TOX: variants seen among roughly 807,000 people sequenced by gnomAD.
The protein encoded by TOX is thymocyte selection-associated high mobility group box protein TOX.
In TOX, 11 loss-of-function variants were observed where a neutral mutation model predicts 53.7. The observed-to-expected ratio is 0.20, with a 90% CI of 0.13 to 0.34. The LOEUF is 0.34. TOX is among the 10% of genes least tolerant of loss of function. TOX has a pLI of 1.00. For synonymous variants in TOX, 225 were observed against 245.3 expected, an observed-to-expected ratio of 0.92 and a Z score of 0.77; for missense variants, 570 against 664.6, an observed-to-expected ratio of 0.86 and a Z score of 1.56.
Position 58,826,863 on chromosome 8 carries a change from G to C in TOX, c.964C>G (p.Leu322Val). Residue 322 changes from leucine (L) to valine (V), a missense_variant, in exon 6 of 9, where the codon CTG becomes GTG. Around this residue, in one of 3 missense-constraint regions of TOX, gnomAD observed 49 missense variants for 98.9 expected, o/e 0.50. Coordinates refer to ENST00000361421, the MANE Select transcript of TOX (RefSeq NM_014729.3). ...GCTCTGTATGCTGCGAGTTGCTTCAGGTACTCCTTCTTCGCAGCCTCGGTT... is the reference window on the plus strand; with the variant it reads ...GCTCTGTATGCTGCGAGTTGCTTCACGTACTCCTTCTTCGCAGCCTCGGTT... ...KKTEAAKKEY[L>V]KQLAAYRASL... is the part of the protein sequence containing the mutation. 8 of 1,612,336 alleles carry C rather than the reference G, an allele frequency of 5.0e-6. No individual in the cohort carries two copies. Among genetic ancestry groups the C allele is most frequent in the Non-Finnish European group, 5.9e-6 (7 of 1,179,280 alleles).
chr8:58,904,105 A>G (rs937037740), intron 3 of TOX, among the ~76,000 whole-genome samples: 35 of 152,190 alleles, frequency 2.3e-4, no homozygotes, highest in African/African-American at 8.4e-4. Flanking sequence ...GTATATTCCA[A>G]TGAGAAAAGT....
chr8:58,861,945 T>C (rs1209884869), intron 3 of TOX, among the ~76,000 whole-genome samples: 4 of 152,150 alleles, frequency 2.6e-5, no homozygotes, highest in African/African-American at 9.7e-5. Flanking sequence ...TAAAAATACA[T>C]CTTAAGAAGC....
rs73254421 is a variant in TOX at position 59,000,778 on chromosome 8, C to T, written c.103-40770G>A. The stretch of plus-strand genomic sequence containing the variant: ...CTATATCAGTGATCAAAAATATACA[C>T]GCATACACATTAAAGAGATCAAACC... On this transcript the variant is annotated intron_variant, in intron 1 of 8. Coordinates refer to ENST00000361421, the MANE Select transcript of TOX (RefSeq NM_014729.3). Among the ~76,000 whole-genome samples the T allele has an allele frequency of 6.4e-3, 975 of 152,154 alleles. 11 individuals are homozygous for T. The highest frequency in any genetic ancestry group is 0.022 in the African/African-American group (914 of 41,512).
intron 1 of TOX, among the ~76,000 whole-genome samples, chr8:59,015,412 T>A (rs1051609267): frequency 6.6e-6 from 1 of 152,172 alleles, no homozygotes; most frequent in Non-Finnish European, 1.5e-5. Context: ...TCCCCCAACA[T>A]GCAAAATAAA....
chr8:58,907,666 T>C (rs1346423755), intron 3 of TOX, among the ~76,000 whole-genome samples: 5 of 152,136 alleles, frequency 3.3e-5, no homozygotes, highest in Non-Finnish European at 7.3e-5. Flanking sequence ...CACATACAAT[T>C]TTTTAGGATC....
At chr8:59,050,621 T>C (rs995511313) in intron 1 of TOX, among the ~76,000 whole-genome samples, 2 of 152,156 alleles carry the variant, frequency 1.3e-5, no homozygotes, top group Admixed American at 6.5e-5. Flanking sequence ...ATACTTTCAC[T>C]TCATCCTAAT....
In TOX at chr8:58,807,588, A is replaced by G. The variant is rs1810001529; in HGVS notation, c.*159T>C. 1.5e-6 allele frequency: 1 copy of G among 668,220 alleles called. No individual in the cohort carries two copies. Among genetic ancestry groups the G allele is most frequent in the Admixed American group, 2.9e-5 (1 of 34,356 alleles). 41.4% of individuals were successfully genotyped at this position (668,220 alleles called of 1,614,324 possible). A position where few individuals can be genotyped will look rare whatever the true frequency, so the allele number is the denominator to read the frequency against. On this transcript the variant is annotated 3_prime_UTR_variant, in exon 9 of 9. Coordinates refer to ENST00000361421, the MANE Select transcript of TOX (RefSeq NM_014729.3). ...AAAAAAATAATAAAGAAGCATGACT[A>G]TTTCTTCCAGAGTGGGTGACCCACA...
At chr8:58,989,977 G>A (rs768237339) in intron 1 of TOX, among the ~76,000 whole-genome samples, 1 of 152,176 alleles carries the variant, frequency 6.6e-6, no homozygotes, top group Non-Finnish European at 1.5e-5. Context: ...GAGACACAAA[G>A]TCCTCAGTGC....
At chr8:58,857,868 C>T (rs192725934) in intron 3 of TOX, among the ~76,000 whole-genome samples, 3 of 152,168 alleles carry the variant, frequency 2.0e-5, no homozygotes, top group Admixed American at 6.5e-5. Context: ...CTCCCAGGTT[C>T]GAGTGATTCT....
At chr8:59,110,576 A>G (rs1031267771) in intron 1 of TOX, among the ~76,000 whole-genome samples, 5 of 152,156 alleles carry the variant, frequency 3.3e-5, no homozygotes, top group African/African-American at 1.2e-4. Context: ...ATAGAGAGGT[A>G]AACTTGCTTC....
intron 3 of TOX, among the ~76,000 whole-genome samples, chr8:58,887,226 T>C (rs1321361649): frequency 6.6e-6 from 1 of 151,884 alleles, no homozygotes; most frequent in Non-Finnish European, 1.5e-5. Flanking sequence ...TATTTAGGTT[T>C]TTGTGTTGGT....
intron 1 of TOX, among the ~76,000 whole-genome samples, chr8:59,111,966 T>G (rs1404720719): frequency 6.6e-6 from 1 of 152,234 alleles, no homozygotes; most frequent in Non-Finnish European, 1.5e-5. Context: ...TCATGACCTT[T>G]GATATTATAA....
intron 3 of TOX, among the ~76,000 whole-genome samples, chr8:58,889,212 C>CAAAAAAAAAA (rs10556451): frequency 6.1e-5 from 7 of 114,434 alleles, no homozygotes; most frequent in Non-Finnish European, 8.9e-5. Context: ...TTTACAATAG[C>CAAAAAAAAAA]AAAAAAAAAA....
intron 5 of TOX, among the ~76,000 whole-genome samples, chr8:58,829,175 C>T (rs569314664): frequency 6.6e-6 from 1 of 152,268 alleles, no homozygotes; most frequent in East Asian, 1.9e-4. Flanking sequence ...GACTACGATG[C>T]TATCCCTTTG....
rs571137457 is a variant in TOX, at chr8:59,089,448, T to A, written c.102+29438A>T. 1.1e-3 allele frequency among the ~76,000 whole-genome samples: 160 copies of A among 152,326 alleles called. 1 individual carries two copies. The highest frequency in any genetic ancestry group is 2.4e-3 in the Admixed American group (36 of 15,294). ...GTTAAGAGTTCCTGCAAGTCCCTCA[T>A]ACAGCCACTGTATTATTTCACAGTG... On this transcript the variant is annotated intron_variant, in intron 1 of 8. Transcript: ENST00000361421.
intron 1 of TOX, among the ~76,000 whole-genome samples, chr8:59,086,969 G>A (rs1402265902): frequency 6.6e-6 from 1 of 152,128 alleles, no homozygotes; most frequent in Non-Finnish European, 1.5e-5. Context: ...TGCCCTTATG[G>A]AGAAAGAAAG....
In TOX at chr8:58,864,944, G is replaced by GT. The variant is rs1350168811; in HGVS notation, c.412-13140_412-13139insA. 6.6e-5 allele frequency among the ~76,000 whole-genome samples: 10 copies of GT among 152,272 alleles called. No individual in the cohort carries two copies. In the East Asian group the frequency reaches 1.5e-3, roughly 24 times the overall value. On this transcript the variant is annotated intron_variant, in intron 3 of 8. Transcript: ENST00000361421. Reference sequence around the variant, plus strand: ...GTTTCCTTTCACTTTAACAGTGAAAGACTAAATGGATGCTTGATGGGTTTA... The same window carrying GT: ...GTTTCCTTTCACTTTAACAGTGAAAGTACTAAATGGATGCTTGATGGGTTTA...
intron 5 of TOX, 88 bp downstream of exon 5, chr8:58,837,993 A>G (rs1810575143): frequency 1.6e-6 from 2 of 1,284,806 alleles, no homozygotes; most frequent in Non-Finnish European, 2.2e-6. Flanking sequence ...TGGGATCTAA[A>G]GAATTTACCC....
At chr8:59,032,893 G>A (rs75488180) in intron 1 of TOX, among the ~76,000 whole-genome samples, 2 of 152,062 alleles carry the variant, frequency 1.3e-5, no homozygotes, top group African/African-American at 4.8e-5. Context: ...TTAGCTGGAC[G>A]TGATGGCAGG....
Sources: allele counts gnomAD v4.1 joint callset (sites outside exome capture counted in the v4.1 genomes callset), GRCh38; gene constraint gnomAD v4.1.1; regional missense constraint gnomAD v4.1.1; transcripts MANE v1.5; gene names NCBI Gene and HGNC (gene_info 2026-07-23, HGNC 2026-07-21).